Variants in FAXDC2 observed in about 807,000 individuals in gnomAD.
FAXDC2 encodes the protein fatty acid hydroxylase domain-containing protein 2.
Under a neutral mutation model 40.9 loss-of-function variants are expected in FAXDC2, and 41 were observed. That is an observed-to-expected ratio of 1.00 (90% confidence interval 0.78 to 1.30). The LOEUF (loss-of-function observed/expected upper bound fraction) is 1.30, where lower values mean the gene tolerates loss of function less well. Among genes scored for constraint, FAXDC2 ranks in the 50% most tolerant of loss-of-function variants. FAXDC2 has a pLI of 0.00. For missense variants in FAXDC2, 390 were observed against 408.8 expected (o/e 0.95, Z 0.40); for synonymous variants, 157 against 149.3 (o/e 1.05, Z -0.38).
intron 5 of FAXDC2, among the ~76,000 whole-genome samples, chr5:154,826,805 T>G (rs191523489): frequency 6.6e-6 from 1 of 152,178 alleles, no homozygotes; most frequent in Non-Finnish European, 1.5e-5. Flanking sequence ...CTAAAGGATT[T>G]AGGGGTCAAG....
At chr5:154,831,213 A>C (rs926814462) in intron 4 of FAXDC2, 17 of 244,664 alleles carry the variant, frequency 6.9e-5, no homozygotes, top group Admixed American at 5.8e-4. Context: ...AATACCCTCT[A>C]AAATAGAAAT....
intron 5 of FAXDC2, 124 bp downstream of exon 5, chr5:154,830,677 G>T (rs1760165317): frequency 1.8e-6 from 2 of 1,093,226 alleles, no homozygotes; most frequent in Non-Finnish European, 2.7e-6. Context: ...AACTGGGGGA[G>T]CCTTGTTGCT....
chr5:154,829,338 C>T (rs1760132704), intron 5 of FAXDC2: 1 of 152,604 alleles, frequency 6.6e-6, no homozygotes, highest in Non-Finnish European at 1.5e-5. Context: ...CAGCTCCCCA[C>T]TTGAGGATCT....
At chr5:154,834,973 T>G (rs762032308) in intron 2 of FAXDC2, 39 bp from the exon 3 acceptor site, 2 of 1,345,556 alleles carry the variant, frequency 1.5e-6, no homozygotes, top group Non-Finnish European at 1.0e-6. Context: ...CCAGCAAGCC[T>G]CCTGCCTTTA....
chr5:154,836,526 G>T (rs940823426), intron 2 of FAXDC2, among the ~76,000 whole-genome samples: 1 of 152,198 alleles, frequency 6.6e-6, no homozygotes, highest in African/African-American at 2.4e-5. Flanking sequence ...TCTTTCATAG[G>T]AAAGAACTGG....
intron 2 of FAXDC2, among the ~76,000 whole-genome samples, chr5:154,837,507 T>C (rs985924892): frequency 6.6e-6 from 1 of 152,330 alleles, no homozygotes; most frequent in East Asian, 1.9e-4. Context: ...TTTCCAGTTA[T>C]TCCTTTGTTT....
At chr5:154,849,429 T>C (rs944853279) in intron 1 of FAXDC2, among the ~76,000 whole-genome samples, 5 of 152,136 alleles carry the variant, frequency 3.3e-5, no homozygotes, top group African/African-American at 1.2e-4. Context: ...CTTGATTGCA[T>C]GTCCATGAGG....
intron 4 of FAXDC2, 55 bp downstream of exon 4, chr5:154,834,570 A>G: frequency 8.1e-7 from 1 of 1,229,066 alleles, no homozygotes; most frequent in Non-Finnish European, 1.2e-6. Flanking sequence ...AACAAAAAGA[A>G]TTAAGTTATA....
intron 5 of FAXDC2, chr5:154,824,195 C>T (rs1759962447): frequency 2.7e-6 from 1 of 370,078 alleles, no homozygotes; most frequent in Non-Finnish European, 4.9e-6. Context: ...CCAGGGTCCA[C>T]TGTACAGAGC....
intron 8 of FAXDC2, 46 bp downstream of exon 8, chr5:154,821,214 G>A: frequency 2.0e-6 from 3 of 1,490,814 alleles, no homozygotes; most frequent in Non-Finnish European, 2.8e-6. Context: ...AGGAGGGAGG[G>A]TGATGGTTGT....
At chr5:154,832,661 T>G (rs977919402) in intron 4 of FAXDC2, among the ~76,000 whole-genome samples, 3 of 152,228 alleles carry the variant, frequency 2.0e-5, no homozygotes, top group East Asian at 1.9e-4. Context: ...GATCTTAAAC[T>G]TCTTCTAGCT....
intron 2 of FAXDC2, chr5:154,835,198 G>C (rs142642980): frequency 3.5e-4 from 138 of 391,068 alleles, no homozygotes; most frequent in African/African-American, 2.6e-3. Flanking sequence ...AGAGAAACTA[G>C]CAGGCAATTC....
chr5:154,835,550 AAG>A (rs1469394999), intron 2 of FAXDC2, among the ~76,000 whole-genome samples: 3 of 152,290 alleles, frequency 2.0e-5, no homozygotes, highest in African/African-American at 7.2e-5. Context: ...TTTAGAAGGA[AAG>A]AGTGAATTGT....
chr5:154,844,392 A>G (rs985602008), intron 1 of FAXDC2, among the ~76,000 whole-genome samples: 3 of 151,982 alleles, frequency 2.0e-5, no homozygotes, highest in Non-Finnish European at 4.4e-5. Context: ...CAAAAAAAAA[A>G]AAAAAGAAAA....
chr5:154,849,722 T>C (rs1760686281), intron 1 of FAXDC2, among the ~76,000 whole-genome samples: 2 of 152,210 alleles, frequency 1.3e-5, no homozygotes. Context: ...GAAATTTAAT[T>C]GGAATTGCAC....
chr5:154,838,310 C>T (rs1429043959), intron 1 of FAXDC2, 132 bp from the exon 2 acceptor site: 2 of 733,644 alleles, frequency 2.7e-6, no homozygotes, highest in African/African-American at 1.8e-5. Context: ...TGTTGTTCTT[C>T]CTGAAACCAG....
Position 154,823,586 on chromosome 5 carries a change from G to T in FAXDC2, c.373C>A (p.Pro125Thr), listed in dbSNP as rs1388176999. ...IQVGKNEPVD[P>T]VKLRQSIRTV... ...CGGATAGACTGGCGCAGTTTCACAG[G>T]ATCCACCTGCCCAAGGGAAGGGAGG... The change falls in exon 6 of 9, where the codon CCT becomes ACT. Residue 125 changes from proline (P) to threonine (T), a missense_variant. Physicochemically the swap from Pro to Thr is conservative, Grantham distance 38. Transcript: ENST00000326080. The T allele has an allele frequency of 6.2e-7, 1 of 1,613,844 alleles. No individual in the cohort carries two copies. The highest frequency in any genetic ancestry group is 1.1e-5 in the South Asian group (1 of 91,056).
At chr5:154,824,623 G>T (rs1041076768) in intron 5 of FAXDC2, 1 of 701,338 alleles carries the variant, frequency 1.4e-6, no homozygotes, top group African/African-American at 1.7e-5. Flanking sequence ...AAGAGGCGGG[G>T]TATCACATCT....
Position 154,834,916 on chromosome 5 carries a change from A to G in FAXDC2, c.67T>C (p.Ser23Pro), listed in dbSNP as rs748931548. Residue 23 changes from serine to proline, a missense_variant, in exon 3 of 9, where the codon TCT becomes CCT. By Grantham distance (74) the Ser-to-Pro change is moderately conservative (BLOSUM62 -1). Transcript: ENST00000326080. Reference protein sequence around the residue: ...KSKQEGHIWGSMRRTAFILGS... With the variant: ...KSKQEGHIWGPMRRTAFILGS... ...AGGATGAAAGCTGTCCTCCTCATAG[A>G]GCCCCAGATGTGTCCCTCCTGGAGG... is the stretch of plus-strand genomic sequence containing the variant. 4.4e-6 allele frequency: 7 copies of G among 1,602,586 alleles called. No individual in the cohort carries two copies. Among genetic ancestry groups the G allele is most frequent in the East Asian group, 2.2e-5 (1 of 44,562 alleles).
Sources: gnomAD v4.1 joint callset for allele counts (sites outside exome capture counted in the v4.1 genomes callset) on GRCh38, gnomAD v4.1.1 for gene constraint, MANE v1.5 for transcripts, NCBI Gene and HGNC (gene_info 2026-07-23, HGNC 2026-07-21) for gene names.